ZNF831: variants seen among roughly 807,000 people sequenced by gnomAD.
The protein encoded by ZNF831 is zinc finger protein 831, also known as chromosome 20 open reading frame 174.
A neutral mutation model predicts 95.8 loss-of-function variants in ZNF831; 59 were observed. The ratio of observed to expected loss-of-function variants is 0.62; its 90% confidence interval spans 0.50 to 0.77. The LOEUF is 0.77. Among genes scored for constraint, ZNF831 ranks in the 30% least tolerant of loss-of-function variants. The pLI is 0.00. For missense variants in ZNF831, 2,205 were observed against 2,164.0 expected (o/e 1.02, Z -0.38); for synonymous variants, 961 against 925.5 (o/e 1.04, Z -0.70).
intron 4 of ZNF831, among the ~76,000 whole-genome samples, chr20:59,237,425 C>T (rs1987061138): frequency 6.6e-6 from 1 of 152,196 alleles, no homozygotes; most frequent in Non-Finnish European, 1.5e-5. Flanking sequence ...CAGCTCACTA[C>T]AACCTCTGCC....
chr20:59,137,764 C>T (rs570890120), intron 1 of ZNF831, among the ~76,000 whole-genome samples: 3 of 152,286 alleles, frequency 2.0e-5, no homozygotes, highest in Admixed American at 1.3e-4. Context: ...CTGGCAGTGC[C>T]CATGTGTTCC....
chr20:59,241,507 C>T (rs1436782704), intron 4 of ZNF831, among the ~76,000 whole-genome samples: 1 of 152,098 alleles, frequency 6.6e-6, no homozygotes, highest in Non-Finnish European at 1.5e-5. Context: ...GCTTTTATTA[C>T]AAACTTTTAT....
chr20:59,123,861 A>G (rs1420368002), intron 1 of ZNF831, among the ~76,000 whole-genome samples: 2 of 152,340 alleles, frequency 1.3e-5, no homozygotes, highest in Non-Finnish European at 2.9e-5. Flanking sequence ...CTGGGCTCCA[A>G]TCAGGCATCT....
At chr20:59,211,794 T>TGA (rs1187724220) in intron 4 of ZNF831, among the ~76,000 whole-genome samples, 1 of 151,922 alleles carries the variant, frequency 6.6e-6, no homozygotes, top group African/African-American at 2.4e-5. Flanking sequence ...TGTGTGTGTG[T>TGA]GTGTGTGTGT....
At position 59,191,673 on chromosome 20, in the gene ZNF831, C is replaced by T. The variant is rs765839282; in HGVS notation, c.654C>T (p.Asp218=). The T allele has an allele frequency of 2.6e-6, 4 of 1,559,420 alleles. No individual in the cohort carries two copies. The stretch of plus-strand genomic sequence containing the variant: ...GGGGCGGCCTCCTGGAGGAAGGGGA[C>T]AAGGCCGGAGAGCCCCCCAGACCAG... ...GAGGGLLEEG[D]KAGEPPRPEG... The change falls in exon 2 of 6, where the codon GAC becomes GAT. Residue 218 remains aspartate (D), a synonymous_variant. Coordinates refer to ENST00000371030, the MANE Select transcript of ZNF831 (RefSeq NM_178457.3).
intron 4 of ZNF831, among the ~76,000 whole-genome samples, chr20:59,234,918 A>C (rs1343269257): frequency 1.3e-5 from 2 of 152,184 alleles, no homozygotes; most frequent in Non-Finnish European, 2.9e-5. Flanking sequence ...CCCATTAACT[A>C]TTGACCCATT....
At chr20:59,204,979 C>G (rs73915980) in intron 3 of ZNF831, among the ~76,000 whole-genome samples, 1 of 152,168 alleles carries the variant, frequency 6.6e-6, no homozygotes, top group Non-Finnish European at 1.5e-5. Flanking sequence ...GGGCTGTTCT[C>G]GAAGGCAAAA....
At chr20:59,230,046 G>A (rs1265037922) in intron 4 of ZNF831, among the ~76,000 whole-genome samples, 1 of 152,134 alleles carries the variant, frequency 6.6e-6, no homozygotes, top group Non-Finnish European at 1.5e-5. Context: ...CCCCCAGCAT[G>A]TAATACTAGT....
At chr20:59,163,113 T>C (rs547530014), upstream of ZNF831, among the ~76,000 whole-genome samples, 8 of 152,096 alleles carry the variant, frequency 5.3e-5, no homozygotes, top group African/African-American at 1.7e-4. Context: ...TACTGGTGTA[T>C]AGAAATGCTA....
intron 3 of ZNF831, among the ~76,000 whole-genome samples, 193 bp from the exon 4 acceptor site, chr20:59,206,712 C>T (rs144133030): frequency 4.6e-4 from 70 of 152,240 alleles, no homozygotes; most frequent in Non-Finnish European, 7.9e-4. Flanking sequence ...CCTACAACAA[C>T]CTCTGAAGCT....
intron 1 of ZNF831, among the ~76,000 whole-genome samples, chr20:59,170,278 A>G (rs958789323): frequency 4.6e-5 from 7 of 152,192 alleles, no homozygotes; most frequent in Non-Finnish European, 1.0e-4. Context: ...ATTTAGTGCT[A>G]TAAATTTCCC....
intron 1 of ZNF831, among the ~76,000 whole-genome samples, chr20:59,180,005 A>G (rs75575888): frequency 0.083 from 12,641 of 152,204 alleles, 716 homozygotes; most frequent in Non-Finnish European, 0.12. Context: ...CCCTCCTTGG[A>G]GCGTGAAATA....
intron 1 of ZNF831, among the ~76,000 whole-genome samples, chr20:59,130,625 C>T (rs908868427): frequency 6.6e-6 from 1 of 152,142 alleles, no homozygotes; most frequent in African/African-American, 2.4e-5. Flanking sequence ...GCAAGGTGCT[C>T]TGTCTGGTGG....
chr20:59,231,993 T>C (rs1225352455), intron 4 of ZNF831, among the ~76,000 whole-genome samples: 1 of 152,216 alleles, frequency 6.6e-6, no homozygotes, highest in Non-Finnish European at 1.5e-5. Context: ...TATTTGTATA[T>C]ATTTTGCTGT....
At chr20:59,200,934 CT>C (rs1984484290) in intron 3 of ZNF831, among the ~76,000 whole-genome samples, 1 of 152,032 alleles carries the variant, frequency 6.6e-6, no homozygotes, top group Non-Finnish European at 1.5e-5. Flanking sequence ...AATAAAATGA[CT>C]ATAAATATTC....
chr20:59,124,645 G>A (rs1235537083), intron 1 of ZNF831, among the ~76,000 whole-genome samples: 1 of 152,220 alleles, frequency 6.6e-6, no homozygotes, highest in Non-Finnish European at 1.5e-5. Flanking sequence ...ACCCCAGCAA[G>A]GAGGAGGTCA....
intron 1 of ZNF831, among the ~76,000 whole-genome samples, chr20:59,138,971 G>A (rs983280565): frequency 4.6e-5 from 7 of 150,848 alleles, no homozygotes; most frequent in South Asian, 2.1e-4. Context: ...GGTCCTCTCC[G>A]TCCATTTCCC....
intron 1 of ZNF831, among the ~76,000 whole-genome samples, chr20:59,189,620 T>G (rs920897886): frequency 2.6e-5 from 4 of 152,242 alleles, no homozygotes; most frequent in Non-Finnish European, 1.5e-5. Context: ...CTAGCAATTC[T>G]CCTGCCGTAT....
intron 1 of ZNF831, among the ~76,000 whole-genome samples, chr20:59,129,949 AT>A (rs1352888423): frequency 6.6e-6 from 1 of 152,222 alleles, no homozygotes; most frequent in Non-Finnish European, 1.5e-5. Context: ...CATTTATCCT[AT>A]TAACTAGACT....
Sources: gnomAD v4.1 joint callset for allele counts (sites outside exome capture counted in the v4.1 genomes callset) on GRCh38, gnomAD v4.1.1 for gene constraint, MANE v1.5 for transcripts, NCBI Gene and HGNC (gene_info 2026-07-23, HGNC 2026-07-21) for gene names.